Variants in TEX2 observed in about 807,000 individuals in gnomAD.
TEX2 encodes testis expressed 2.
TEX2 carries 53 observed loss-of-function variants against 106.9 expected under a neutral mutation model. That is an observed-to-expected ratio of 0.50 (90% CI 0.40 to 0.62). The LOEUF is 0.62. Ranked by LOEUF, TEX2 falls within the 20% of genes least tolerant of loss-of-function variation. TEX2 has a pLI of 0.00. For missense variants in TEX2, 1,207 were observed against 1,379.0 expected (o/e 0.88, Z 1.98); for synonymous variants, 523 against 534.8 (o/e 0.98, Z 0.30).
At chr17:64,210,438 C>G (rs1199367233) in intron 2 of TEX2, among the ~76,000 whole-genome samples, 1 of 152,040 alleles carries the variant, frequency 6.6e-6, no homozygotes, top group Non-Finnish European at 1.5e-5. Flanking sequence ...ATTTTAAAAA[C>G]CCAAAAAACT....
chr17:64,181,362 G>T (rs2031849630), intron 5 of TEX2, among the ~76,000 whole-genome samples: 1 of 150,096 alleles, frequency 6.7e-6, no homozygotes, highest in East Asian at 2.0e-4. Context: ...TATAGTCCCA[G>T]CTACTCAGGA....
chr17:64,172,636 A>G (rs2143746672), intron 6 of TEX2, among the ~76,000 whole-genome samples: 1 of 152,270 alleles, frequency 6.6e-6, no homozygotes, highest in South Asian at 2.1e-4. Flanking sequence ...GCCCTGTCCA[A>G]GTTCTCCTTG....
rs566755382 is a variant in TEX2 at position 64,255,028 on chromosome 17, C to CTTTTTTTTTT, written c.-26+8130_-26+8139dup. 9.8e-5 allele frequency among the ~76,000 whole-genome samples: 13 copies of CTTTTTTTTTT among 132,490 alleles called. 5 individuals are homozygous for CTTTTTTTTTT. Among genetic ancestry groups the CTTTTTTTTTT allele is most frequent in the Admixed American group, 1.6e-4 (2 of 12,882 alleles). 86.9% of individuals were successfully genotyped at this position (132,490 alleles called of 152,430 possible). ...TACAGGTGTGTGTCACTGCATCTGG[C>CTTTTTTTTTT]TTTTTTTTTTTTTTTTTTGTAGAGG... On this transcript the variant is annotated intron_variant, in intron 1 of 11. Transcript: ENST00000584379.
At chr17:64,201,372 T>C (rs1216963243) in intron 2 of TEX2, among the ~76,000 whole-genome samples, 1 of 152,250 alleles carries the variant, frequency 6.6e-6, no homozygotes, top group African/African-American at 2.4e-5. Flanking sequence ...ACAATTTGTT[T>C]AGAGTTTATA....
rs1270945764 is a variant in TEX2, at chr17:64,185,536, C to A, written c.2424+2632G>T. 6.6e-6 allele frequency among the ~76,000 whole-genome samples: 1 copy of A among 152,176 alleles called. No homozygotes were observed. Among genetic ancestry groups the A allele is most frequent in the Non-Finnish European group, 1.5e-5 (1 of 68,042 alleles). ...ATTTGGAAAACTAGGCCCTTGCCCC[C>A]CAAAATAGTGATATTTTCTAATTCA... On this transcript the variant is annotated intron_variant, in intron 5 of 11. Transcript: ENST00000584379. The surrounding 1 kb of genome is among the most constrained non-coding windows in gnomAD (Gnocchi z 4.0).
chr17:64,187,897 AAAAT>A (rs2032137122), intron 5 of TEX2, among the ~76,000 whole-genome samples: 1 of 152,222 alleles, frequency 6.6e-6, no homozygotes, highest in Non-Finnish European at 1.5e-5. Flanking sequence ...TTTAAAATTA[AAAAT>A]AAATAAATAC....
At chr17:64,234,927 T>C (rs1423561208) in intron 1 of TEX2, among the ~76,000 whole-genome samples, 7 of 152,214 alleles carry the variant, frequency 4.6e-5, no homozygotes, top group Admixed American at 4.6e-4. Flanking sequence ...TGATTGCCAT[T>C]TTAATTTCTG....
chr17:64,212,378 A>C (rs2033028938), intron 2 of TEX2, among the ~76,000 whole-genome samples, 196 bp downstream of exon 2: 1 of 152,194 alleles, frequency 6.6e-6, no homozygotes, highest in Admixed American at 6.5e-5. Flanking sequence ...CTACTTTGTG[A>C]ATCTGCAAAG....
intron 7 of TEX2, among the ~76,000 whole-genome samples, chr17:64,162,642 G>C (rs1042012458): frequency 6.6e-6 from 1 of 152,200 alleles, no homozygotes; most frequent in African/African-American, 2.4e-5. Flanking sequence ...CCCAGTCACG[G>C]GGACATTCTA....
intron 1 of TEX2, among the ~76,000 whole-genome samples, chr17:64,261,304 C>T (rs1248698023): frequency 2.0e-5 from 3 of 152,090 alleles, no homozygotes; most frequent in Non-Finnish European, 2.9e-5. Context: ...TAAATAATTT[C>T]TTTTTTAACT....
intron 1 of TEX2, among the ~76,000 whole-genome samples, chr17:64,228,576 T>C (rs2033573026): frequency 6.6e-6 from 1 of 152,140 alleles, no homozygotes; most frequent in Non-Finnish European, 1.5e-5. Context: ...CCGCTACTGA[T>C]GTGACAGGAG....
At position 64,153,827 on chromosome 17, in the gene TEX2, G is replaced by A. The variant is rs977283741; in HGVS notation, c.2931-673C>T. ...TGCATCTGTAGTCCCAGCTACTCGGGAGGCTAAAATGGGAGGATCACTTGA... is the reference window on the plus strand; with the variant it reads ...TGCATCTGTAGTCCCAGCTACTCGGAAGGCTAAAATGGGAGGATCACTTGA... On this transcript the variant is annotated intron_variant, in intron 9 of 11. Coordinates refer to ENST00000584379, the MANE Select transcript of TEX2 (RefSeq NM_001288732.2). This position sits in a 1 kb window ranked among gnomAD's most constrained non-coding sequence, Gnocchi z 4.1. 3.9e-5 allele frequency among the ~76,000 whole-genome samples: 6 copies of A among 152,182 alleles called. No individual in the cohort carries two copies. Among genetic ancestry groups the A allele is most frequent in the Non-Finnish European group, 8.8e-5 (6 of 68,030 alleles).
At chr17:64,252,940 A>G (rs2034118604) in intron 1 of TEX2, among the ~76,000 whole-genome samples, 1 of 152,096 alleles carries the variant, frequency 6.6e-6, no homozygotes, top group Non-Finnish European at 1.5e-5. Context: ...TAAAAAGTCT[A>G]GCTCCCTTCC....
At chr17:64,168,901 G>GTTTTTTTT (rs1232809947) in intron 7 of TEX2, among the ~76,000 whole-genome samples, 11 of 35,232 alleles carry the variant, frequency 3.1e-4, no homozygotes, top group Middle Eastern at 0.02. Context: ...CATAGATGGT[G>GTTTTTTTT]CTTTTTTTTT....
rs574517815 is a variant in TEX2 at position 64,166,553 on chromosome 17, T to C, written c.2671+4547A>G. ...CACATGGCAGGGTGGATTGAGGCAA[T>C]CTGACTGCCCTTTCAAGTCTTCCCA... On this transcript the variant is annotated intron_variant, in intron 7 of 11. Transcript: ENST00000584379. Among the ~76,000 whole-genome samples, 131 of 152,362 alleles carry C rather than the reference T, an allele frequency of 8.6e-4. No homozygotes were observed. In the South Asian group the frequency reaches 0.011, roughly 13 times the overall value.
chr17:64,228,461 A>T (rs1237114379), intron 1 of TEX2, among the ~76,000 whole-genome samples: 1 of 152,158 alleles, frequency 6.6e-6, no homozygotes, highest in African/African-American at 2.4e-5. Flanking sequence ...GGGTGCTGGG[A>T]GACAGTGACA....
Position 64,147,819 on chromosome 17 carries a change from A to C in TEX2, c.*1150T>G, listed in dbSNP as rs1474027472. On this transcript the variant is annotated 3_prime_UTR_variant, in exon 12 of 12. Coordinates refer to ENST00000584379, the MANE Select transcript of TEX2 (RefSeq NM_001288732.2). The stretch of plus-strand genomic sequence containing the variant: ...ACTATTAGCTTTGTCCACACATGTA[A>C]GTTATCAAAAGTTACCCAAGGTAAT... 2 of 152,030 alleles carry C rather than the reference A, an allele frequency of 1.3e-5. No individual in the cohort carries two copies. Among genetic ancestry groups the C allele is most frequent in the Non-Finnish European group, 3.0e-5 (2 of 67,654 alleles). 9.4% of individuals were successfully genotyped at this position (152,030 alleles called of 1,614,324 possible). A position where few individuals can be genotyped will look rare whatever the true frequency, so the allele number is the denominator to read the frequency against.
In TEX2 at chr17:64,259,468, G is replaced by C. The variant is rs1392322470; in HGVS notation, c.-26+3700C>G. ...TATTACAATATTTACTTTAAACTTG[G>C]GATTTAAAGTTGACAAAGACCTTAA... On this transcript the variant is annotated intron_variant, in intron 1 of 11. Coordinates refer to ENST00000584379, the MANE Select transcript of TEX2 (RefSeq NM_001288732.2). Among the ~76,000 whole-genome samples the C allele has an allele frequency of 2.6e-5, 4 of 152,118 alleles. No homozygotes were observed. In the East Asian group the frequency reaches 7.7e-4, roughly 29 times the overall value.
Position 64,201,544 on chromosome 17 carries a change from G to A in TEX2, c.1645-6449C>T, listed in dbSNP as rs782467061. Among the ~76,000 whole-genome samples the A allele has an allele frequency of 2.9e-4, 44 of 152,098 alleles. 1 individual carries two copies. The highest frequency in any genetic ancestry group is 1.9e-4 in the Non-Finnish European group (13 of 68,022). ...CAGGTAAGAAAAGTGGTGAGAGAGG[G>A]GATGTGATTTGCCTTCCAATGTCTA... On this transcript the variant is annotated intron_variant, in intron 2 of 11. Transcript: ENST00000584379.
Sources: allele counts gnomAD v4.1 joint callset (sites outside exome capture counted in the v4.1 genomes callset), GRCh38; gene constraint gnomAD v4.1.1; non-coding constraint Gnocchi (gnomAD v3.1); transcripts MANE v1.5; gene names NCBI Gene and HGNC (gene_info 2026-07-23, HGNC 2026-07-21).